Variants in MAD1L1 observed in about 807,000 individuals in gnomAD.
MAD1L1 encodes mitotic spindle assembly checkpoint protein MAD1.
Under a neutral mutation model 96.9 loss-of-function variants are expected in MAD1L1, and 95 were observed. The observed-to-expected ratio is 0.98, with a 90% CI of 0.83 to 1.16. MAD1L1 has a LOEUF of 1.16. MAD1L1 is among the 50% of genes most tolerant of loss of function. The probability of loss-of-function intolerance (pLI) is 0.00; values close to 1 mark genes in which losing one functional copy is unlikely to be tolerated. For missense variants in MAD1L1, 1,007 were observed against 954.4 expected (o/e 1.06, Z -0.73); for synonymous variants, 473 against 396.6 (o/e 1.19, Z -2.29).
At chr7:1,980,079 G>A (rs975136222) in intron 15 of MAD1L1, among the ~76,000 whole-genome samples, 4 of 152,230 alleles carry the variant, frequency 2.6e-5, no homozygotes, top group African/African-American at 4.8e-5. Flanking sequence ...GCCACCCACG[G>A]GGGAGCACAC....
chr7:2,036,910 C>T (rs1411725126), intron 12 of MAD1L1, among the ~76,000 whole-genome samples: 2 of 152,166 alleles, frequency 1.3e-5, no homozygotes, highest in Non-Finnish European at 2.9e-5. Context: ...TACCCACCAA[C>T]GCGCACGAGG....
intron 17 of MAD1L1, among the ~76,000 whole-genome samples, chr7:1,925,789 CAG>C (rs1279928808): frequency 2.0e-5 from 3 of 152,220 alleles, no homozygotes; most frequent in Non-Finnish European, 4.4e-5. Flanking sequence ...ATGCAGCACT[CAG>C]ATGCAAATTT....
At chr7:1,828,216 C>T (rs1179992030) in intron 18 of MAD1L1, among the ~76,000 whole-genome samples, 2 of 152,042 alleles carry the variant, frequency 1.3e-5, no homozygotes, top group Admixed American at 1.3e-4. Context: ...GAATATGAGG[C>T]ATCAAATGTG....
chr7:1,869,596 C>T (rs1394288480), intron 18 of MAD1L1, among the ~76,000 whole-genome samples: 9 of 152,150 alleles, frequency 5.9e-5, no homozygotes, highest in African/African-American at 9.7e-5. Context: ...CGTGACAAAA[C>T]GGAACATAAC....
chr7:1,941,707 T>G (rs1393081991), intron 16 of MAD1L1, among the ~76,000 whole-genome samples: 1 of 152,226 alleles, frequency 6.6e-6, no homozygotes, highest in Non-Finnish European at 1.5e-5. Flanking sequence ...GGCTTCCACC[T>G]GCAGCAGGAG....
chr7:1,885,317 C>T (rs528649417), intron 18 of MAD1L1, among the ~76,000 whole-genome samples: 61 of 152,322 alleles, frequency 4.0e-4, no homozygotes, highest in African/African-American at 1.2e-3. Flanking sequence ...GTCCCTCTCG[C>T]GGGTCCTTTG....
intron 18 of MAD1L1, among the ~76,000 whole-genome samples, chr7:1,873,938 C>T (rs1215712534): frequency 6.7e-6 from 1 of 149,932 alleles, no homozygotes. Flanking sequence ...AGCACACAGG[C>T]CCAGGCTGAG....
chr7:2,144,423 G>T (rs1377073151), intron 11 of MAD1L1, among the ~76,000 whole-genome samples: 2 of 152,170 alleles, frequency 1.3e-5, no homozygotes, highest in African/African-American at 4.8e-5. Context: ...TCCAAAGCAC[G>T]GTCTTATTTC....
At chr7:2,095,074 G>A (rs886074145) in intron 11 of MAD1L1, among the ~76,000 whole-genome samples, 3 of 151,362 alleles carry the variant, frequency 2.0e-5, no homozygotes, top group East Asian at 1.9e-4. Flanking sequence ...GCAGAGTCTC[G>A]CTCTGTCGCC....
chr7:2,213,047 G>C (rs868619222), intron 10 of MAD1L1, among the ~76,000 whole-genome samples, 165 bp downstream of exon 10: 1 of 152,334 alleles, frequency 6.6e-6, no homozygotes, highest in South Asian at 2.1e-4. Flanking sequence ...TGCCCCATCC[G>C]CTGGGAAAGG....
At chr7:1,973,616 C>A (rs544602448) in intron 15 of MAD1L1, among the ~76,000 whole-genome samples, 5 of 152,198 alleles carry the variant, frequency 3.3e-5, no homozygotes, top group South Asian at 4.2e-4. Context: ...CAGGGGGGTG[C>A]GAGCTGGGCC....
intron 12 of MAD1L1, among the ~76,000 whole-genome samples, chr7:2,068,721 C>A (rs1584245037): frequency 6.6e-6 from 1 of 152,246 alleles, no homozygotes; most frequent in African/African-American, 2.4e-5. Context: ...GGCATCAGAA[C>A]CCCCGCAGGC....
At chr7:2,083,380 G>A (rs566306918) in intron 11 of MAD1L1, among the ~76,000 whole-genome samples, 1 of 152,288 alleles carries the variant, frequency 6.6e-6, no homozygotes, top group South Asian at 2.1e-4. Flanking sequence ...TGAACTTTAA[G>A]AACTGACAAA....
chr7:1,868,510 A>G (rs1200904112), intron 18 of MAD1L1, among the ~76,000 whole-genome samples: 2 of 143,722 alleles, frequency 1.4e-5, no homozygotes, highest in African/African-American at 2.6e-5. Flanking sequence ...TTACACAAAG[A>G]AAGTACAGGC....
intron 11 of MAD1L1, among the ~76,000 whole-genome samples, chr7:2,123,839 G>A (rs1259208024): frequency 1.3e-5 from 2 of 152,220 alleles, no homozygotes; most frequent in Non-Finnish European, 2.9e-5. Flanking sequence ...ACTCAAGCCA[G>A]AAATAAATAA....
intron 11 of MAD1L1, among the ~76,000 whole-genome samples, chr7:2,141,050 A>G (rs1789002359): frequency 6.6e-6 from 1 of 152,242 alleles, no homozygotes; most frequent in Non-Finnish European, 1.5e-5. Context: ...CAAGCTGGCT[A>G]AAGCAGCAGG....
At chr7:1,816,275 G>A (rs1562419434) in intron 18 of MAD1L1, 47 bp from the exon 19 acceptor site, 1 of 1,574,490 alleles carries the variant, frequency 6.4e-7, no homozygotes. Flanking sequence ...AGCCCGACAG[G>A]CCTCTCCCTC....
At position 1,968,833 on chromosome 7, in the gene MAD1L1, GTC is replaced by G. The variant is rs879396591; in HGVS notation, c.1506-11116_1506-11115del. Among the ~76,000 whole-genome samples the G allele has an allele frequency of 1.7e-4, 26 of 152,236 alleles. No homozygotes were observed. The highest frequency in any genetic ancestry group is 3.1e-4 in the Non-Finnish European group (21 of 68,048). On this transcript the variant is annotated intron_variant, in intron 15 of 18. Transcript: ENST00000265854. This position sits in a 1 kb window ranked among gnomAD's most constrained non-coding sequence, Gnocchi z 5.6. ...AGGAGAAGCGAGGAAAGACAAAACT[GTC>G]ACCGACCAGCGGCAGAAGAGATGTG...
intron 17 of MAD1L1, among the ~76,000 whole-genome samples, chr7:1,912,090 G>A (rs1443324610): frequency 6.6e-6 from 1 of 152,246 alleles, no homozygotes; most frequent in Non-Finnish European, 1.5e-5. Flanking sequence ...TAGCTGTCGG[G>A]ATAGTTTCCT....
Sources: allele counts gnomAD v4.1 joint callset (sites outside exome capture counted in the v4.1 genomes callset), GRCh38; gene constraint gnomAD v4.1.1; non-coding constraint Gnocchi (gnomAD v3.1); transcripts MANE v1.5; gene names NCBI Gene and HGNC (gene_info 2026-07-23, HGNC 2026-07-21).